RFX3: variants seen among roughly 807,000 people sequenced by gnomAD.
The protein encoded by RFX3 is regulatory factor X3.
Under a neutral mutation model 98.6 loss-of-function variants are expected in RFX3, and 14 were observed. The ratio of observed to expected loss-of-function variants is 0.14; its 90% CI spans 0.09 to 0.22. The LOEUF (loss-of-function observed/expected upper bound fraction) is 0.22, where lower values mean the gene tolerates loss of function less well. Among genes scored for constraint, RFX3 ranks in the 10% least tolerant of loss-of-function variants. RFX3 has a pLI of 1.00. For synonymous variants in RFX3, 383 were observed against 328.4 expected, an observed-to-expected ratio of 1.17 and a Z score of -1.80; for missense variants, 639 against 926.9, an observed-to-expected ratio of 0.69 and a Z score of 4.03.
chr9:3,380,044 C>T (rs549869656), intron 2 of RFX3, among the ~76,000 whole-genome samples: 22 of 151,804 alleles, frequency 1.4e-4, no homozygotes, highest in African/African-American at 5.3e-4. Flanking sequence ...CTCCTGCCTC[C>T]GCGTCCCAAG....
At chr9:3,259,603 T>C (rs1226126583) in intron 13 of RFX3, among the ~76,000 whole-genome samples, 1 of 151,880 alleles carries the variant, frequency 6.6e-6, no homozygotes, top group African/African-American at 2.4e-5. Context: ...AGCTAAGTTA[T>C]CAGGTCAGCC....
chr9:3,263,136 C>G, intron 12 of RFX3, 52 bp from the exon 13 acceptor site: 1 of 1,576,334 alleles, frequency 6.3e-7, no homozygotes, highest in Non-Finnish European at 8.7e-7. Flanking sequence ...GTAAAAGAAA[C>G]CACTGCAATT....
chr9:3,448,141 CTG>C (rs1358360193), intron 1 of RFX3, among the ~76,000 whole-genome samples: 1 of 151,712 alleles, frequency 6.6e-6, no homozygotes, highest in African/African-American at 2.4e-5. Flanking sequence ...GAGATTTACT[CTG>C]TAAACATAAA....
Position 3,505,922 on chromosome 9 carries a change from G to C in RFX3, c.-9+19825C>G, listed in dbSNP as rs192883321. 9.2e-5 allele frequency among the ~76,000 whole-genome samples: 14 copies of C among 151,876 alleles called. No homozygotes were observed. The East Asian group carries it at 2.3e-3, about 25-fold the overall frequency. Reference sequence around the variant, plus strand: ...TCAAGGGCAGAGGCCCTTGAAGAATGATCAGTTTTATTCATTCTTGTATCC... The same window carrying C: ...TCAAGGGCAGAGGCCCTTGAAGAATCATCAGTTTTATTCATTCTTGTATCC... On this transcript the variant is annotated intron_variant, in intron 1 of 16. Transcript: ENST00000617270.
chr9:3,303,116 A>C (rs1828863808), intron 4 of RFX3, among the ~76,000 whole-genome samples: 2 of 151,824 alleles, frequency 1.3e-5, no homozygotes, highest in Non-Finnish European at 1.5e-5. Flanking sequence ...CTAGAAACAT[A>C]GGCTTCTACA....
At chr9:3,301,500 G>T in intron 5 of RFX3, 46 bp downstream of exon 5, 2 of 1,320,850 alleles carry the variant, frequency 1.5e-6, no homozygotes, top group Non-Finnish European at 2.2e-6. Flanking sequence ...AGCAACACAT[G>T]CAGAACAAGC....
Position 3,223,469 on chromosome 9 carries a change from T to C in RFX3, c.*1573A>G, listed in dbSNP as rs1248475010. ...AAGTACCTGCTTACTTTGTTAACTT[T>C]CTAAAATTGTAACTAAATAAGAATG... On this transcript the variant is annotated 3_prime_UTR_variant, in exon 17 of 17. Transcript: ENST00000617270. The C allele has an allele frequency of 6.6e-6, 1 of 152,228 alleles. No individual in the cohort carries two copies. The highest frequency in any genetic ancestry group is 6.5e-5 in the Admixed American group (1 of 15,280). The allele number at this position is 152,228 out of a possible 1,614,324, so 9.4% of individuals were successfully genotyped here.
At chr9:3,356,234 T>C (rs1399896556) in intron 2 of RFX3, among the ~76,000 whole-genome samples, 1 of 149,362 alleles carries the variant, frequency 6.7e-6, no homozygotes, top group East Asian at 2.0e-4. Context: ...AATAAAAATA[T>C]GAAAACAGAA....
chr9:3,228,886 C>T lies in RFX3; in HGVS notation c.1972G>A (p.Gly658Ser), dbSNP rs1818111360. 1 of 1,610,268 alleles carries T rather than the reference C, an allele frequency of 6.2e-7. No individual in the cohort carries two copies. The highest frequency in any genetic ancestry group is 1.3e-5 in the African/African-American group (1 of 74,676). Residue 658 changes from glycine (G) to serine (S), a missense_variant, in exon 16 of 17, where the codon GGT becomes AGT. Physicochemically the swap from Gly to Ser is moderately conservative, Grantham distance 56 (BLOSUM62 0). Around this residue, in one of 9 missense-constraint regions of RFX3, gnomAD observed 129 missense variants for 124.6 expected, o/e 1.04. Coordinates refer to ENST00000617270, the MANE Select transcript of RFX3 (RefSeq NM_001282116.2). ...CCAGGAGACACGGCATTTAAATCAC[C>T]AAACTGCAAAACAATAGTCATTTGT... is the stretch of plus-strand genomic sequence containing the variant. ...ETPIAVMGEF[G>S]DLNAVSPGNL...
At chr9:3,497,327 C>T (rs913838550) in intron 1 of RFX3, among the ~76,000 whole-genome samples, 2 of 151,888 alleles carry the variant, frequency 1.3e-5, no homozygotes, top group South Asian at 2.1e-4. Context: ...TCTAAATAAG[C>T]AAACAATTAA....
chr9:3,219,195 A>T lies in RFX3; in HGVS notation c.*5847T>A, dbSNP rs1817217943. 6.6e-6 allele frequency: 1 copy of T among 152,192 alleles called. No homozygotes were observed. The highest frequency in any genetic ancestry group is 2.4e-5 in the African/African-American group (1 of 41,454). 9.4% of individuals were successfully genotyped at this position (152,192 alleles called of 1,614,324 possible). A position where few individuals can be genotyped will look rare whatever the true frequency, so the allele number is the denominator to read the frequency against. Reference sequence around the variant, plus strand: ...TTTTTAAACGAATAAAGTTCAATAGATTCTTTATTGGGTCATTTAAAATTG... The same window carrying T: ...TTTTTAAACGAATAAAGTTCAATAGTTTCTTTATTGGGTCATTTAAAATTG... On this transcript the variant is annotated 3_prime_UTR_variant, in exon 17 of 17. Transcript: ENST00000617270.
intron 2 of RFX3, among the ~76,000 whole-genome samples, chr9:3,351,776 TA>T: frequency 6.6e-6 from 1 of 151,868 alleles, no homozygotes. Context: ...TCTAGAACTA[TA>T]AAAATTACCA....
At chr9:3,319,557 G>A (rs571652326) in intron 4 of RFX3, among the ~76,000 whole-genome samples, 1 of 152,130 alleles carries the variant, frequency 6.6e-6, no homozygotes, top group South Asian at 2.1e-4. Context: ...TTTTGAACTT[G>A]TATAAGCAAT....
intron 1 of RFX3, among the ~76,000 whole-genome samples, chr9:3,504,984 A>G (rs1308962854): frequency 2.5e-5 from 1 of 40,118 alleles, no homozygotes; most frequent in African/African-American, 8.4e-5. Context: ...TATATAATAT[A>G]TATGTTATAT....
At chr9:3,452,354 G>A in intron 1 of RFX3, 1 of 329,810 alleles carries the variant, frequency 3.0e-6, no homozygotes, top group Non-Finnish European at 6.5e-6. Context: ...GCTTTGGGAG[G>A]CCAAGGCAGG....
intron 15 of RFX3, among the ~76,000 whole-genome samples, chr9:3,244,145 G>T (rs1820323230): frequency 6.6e-6 from 1 of 151,970 alleles, no homozygotes; most frequent in East Asian, 1.9e-4. Context: ...TGGGACTACA[G>T]GCACATGCCA....
chr9:3,322,745 A>T (rs1350782871), intron 4 of RFX3, among the ~76,000 whole-genome samples: 1 of 152,156 alleles, frequency 6.6e-6, no homozygotes, highest in Non-Finnish European at 1.5e-5. Context: ...AAGAAAAAAA[A>T]ATTGTACTGC....
At chr9:3,264,437 A>G (rs902347751) in intron 12 of RFX3, among the ~76,000 whole-genome samples, 1 of 152,172 alleles carries the variant, frequency 6.6e-6, no homozygotes, top group Admixed American at 6.6e-5. Context: ...CTATCTTGAC[A>G]TGAGATGTTT....
intron 15 of RFX3, among the ~76,000 whole-genome samples, chr9:3,233,345 A>AC: frequency 6.6e-6 from 1 of 152,216 alleles, no homozygotes; most frequent in Non-Finnish European, 1.5e-5. Flanking sequence ...ACCTGAGCAT[A>AC]CTGAGAGGAA....
Sources: gnomAD v4.1 joint callset for allele counts (sites outside exome capture counted in the v4.1 genomes callset) on GRCh38, gnomAD v4.1.1 for gene constraint, gnomAD v4.1.1 regional missense constraint, MANE v1.5 for transcripts, NCBI Gene and HGNC (gene_info 2026-07-23, HGNC 2026-07-21) for gene names.